Variants in ALX1 observed in about 807,000 individuals in gnomAD.
ALX1 encodes ALX homeobox protein 1.
In ALX1, 19 loss-of-function variants were observed where a neutral mutation model predicts 31.7. The ratio of observed to expected loss-of-function variants is 0.60; its 90% CI spans 0.42 to 0.88. The LOEUF (loss-of-function observed/expected upper bound fraction) is 0.88, where lower values mean the gene tolerates loss of function less well. Ranked by LOEUF, ALX1 falls within the 40% of genes least tolerant of loss-of-function variation. The pLI, the probability that ALX1 is intolerant of heterozygous loss-of-function variation, is 0.00. For synonymous variants in ALX1, 153 were observed against 148.8 expected (o/e 1.03, Z -0.20); for missense variants, 415 against 407.8 (o/e 1.02, Z -0.15).
intron 3 of ALX1, 58 bp from the exon 4 acceptor site, chr12:85,301,097 G>A: frequency 6.3e-7 from 1 of 1,596,312 alleles, no homozygotes; most frequent in Non-Finnish European, 8.6e-7. Flanking sequence ...CTTAACAAAA[G>A]TAAGAGAACA....
chr12:85,282,486 A>G (rs143086179), intron 1 of ALX1, among the ~76,000 whole-genome samples: 340 of 152,264 alleles, frequency 2.2e-3, no homozygotes, highest in African/African-American at 7.7e-3. Context: ...TATTTGTATA[A>G]TGATGAAAAG....
At chr12:85,294,800 A>G (rs1016592090) in intron 3 of ALX1, among the ~76,000 whole-genome samples, 3 of 151,094 alleles carry the variant, frequency 2.0e-5, no homozygotes, top group African/African-American at 7.3e-5. Context: ...TTTTAATGGA[A>G]AAGTCACCTT....
chr12:85,301,511 A>C lies in ALX1; in HGVS notation c.*36A>C, dbSNP rs1374730315. On this transcript the variant is annotated 3_prime_UTR_variant, in exon 4 of 4. Transcript: ENST00000316824. ...TCTTTTATTTTTCTTTTAATAGCAA[A>C]GTTAAACATTCTTATTTCTCATATT... 6.3e-7 allele frequency: 1 copy of C among 1,594,298 alleles called. No individual in the cohort carries two copies. Among genetic ancestry groups the C allele is most frequent in the South Asian group, 1.1e-5 (1 of 90,774 alleles).
rs1896711416 is a variant in ALX1, at chr12:85,283,732, C to A, written c.387C>A (p.Ser129Arg). The change falls in exon 2 of 4, where the codon AGC becomes AGA. Residue 129 changes from serine (S) to arginine (R), a missense_variant. By Grantham distance (110) the Ser-to-Arg change is moderately radical. Coordinates refer to ENST00000316824, the MANE Select transcript of ALX1 (RefSeq NM_006982.3). ...LGDKCDSNVS[S>R]SKKRRHRTTF... The stretch of plus-strand genomic sequence containing the variant: ...ATAAATGTGATAGCAATGTATCCAG[C>A]AGTAAGAAACGGAGGCACCGAACCA... 2 of 1,614,092 alleles carry A rather than the reference C, an allele frequency of 1.2e-6. No homozygotes were observed. The highest frequency in any genetic ancestry group is 1.7e-6 in the Non-Finnish European group (2 of 1,179,996).
chr12:85,282,761 C>T (rs1427963746), intron 1 of ALX1, among the ~76,000 whole-genome samples: 6 of 152,090 alleles, frequency 3.9e-5, no homozygotes, highest in Admixed American at 3.9e-4. Context: ...AGATGTCATG[C>T]TCTGTAATGT....
intron 3 of ALX1, among the ~76,000 whole-genome samples, chr12:85,297,560 T>C (rs1365551087): frequency 6.6e-6 from 1 of 151,600 alleles, no homozygotes; most frequent in East Asian, 1.9e-4. Context: ...AGAAAAGAAA[T>C]GGAATTTTTT....
intron 3 of ALX1, among the ~76,000 whole-genome samples, chr12:85,298,452 T>TA (rs1896918741): frequency 6.6e-6 from 1 of 151,774 alleles, no homozygotes; most frequent in South Asian, 2.1e-4. Flanking sequence ...TTCAGAGAAG[T>TA]AAAATCACAA....
In ALX1 at chr12:85,283,790, A is replaced by G. The variant is rs1896712606; in HGVS notation, c.445A>G (p.Lys149Glu). Residue 149 changes from lysine to glutamate, a missense_variant, in exon 2 of 4, where the codon AAA (lysine) becomes GAA (glutamate). Coordinates refer to ENST00000316824, the MANE Select transcript of ALX1 (RefSeq NM_006982.3). ...CAGTTTGCAGCTAGAGGAGCTGGAG[A>G]AAGTCTTTCAGAAAACTCATTACCC... The part of the protein sequence containing the change: ...FTSLQLEELE[K>E]VFQKTHYPDV... 1 of 1,614,050 alleles carries G rather than the reference A, an allele frequency of 6.2e-7. No individual in the cohort carries two copies. Among genetic ancestry groups the G allele is most frequent in the Non-Finnish European group, 8.5e-7 (1 of 1,180,032 alleles).
intron 2 of ALX1, among the ~76,000 whole-genome samples, chr12:85,285,332 A>G (rs1049200102): frequency 1.3e-4 from 20 of 151,964 alleles, no homozygotes; most frequent in African/African-American, 4.8e-4. Flanking sequence ...ACTCATTTTA[A>G]GGAAATTGTC....
chr12:85,299,667 G>A (rs907596393), intron 3 of ALX1, among the ~76,000 whole-genome samples: 102 of 151,820 alleles, frequency 6.7e-4, no homozygotes, highest in African/African-American at 2.4e-3. Context: ...TTTCTCTTAC[G>A]TTTTGAACCT....
chr12:85,288,971 G>A (rs1411403866), intron 3 of ALX1, among the ~76,000 whole-genome samples: 2 of 151,388 alleles, frequency 1.3e-5, no homozygotes, highest in Non-Finnish European at 3.0e-5. Context: ...GGTGACTTTA[G>A]ACGTAATAAA....
chr12:85,293,910 G>C (rs1317665369), intron 3 of ALX1, among the ~76,000 whole-genome samples: 1 of 151,030 alleles, frequency 6.6e-6, no homozygotes, highest in East Asian at 1.9e-4. Context: ...TGTTTATGAA[G>C]CCTCATGTGT....
At chr12:85,282,912 C>T (rs964416165) in intron 1 of ALX1, among the ~76,000 whole-genome samples, 8 of 150,196 alleles carry the variant, frequency 5.3e-5, no homozygotes, top group African/African-American at 1.7e-4. Flanking sequence ...AAAAAAAATG[C>T]TGCTTAAATC....
intron 3 of ALX1, among the ~76,000 whole-genome samples, chr12:85,293,507 A>T (rs1475467481): frequency 1.3e-5 from 2 of 150,944 alleles, no homozygotes; most frequent in Non-Finnish European, 3.0e-5. Context: ...GAGGCAAAGA[A>T]TATCCTCCAA....
chr12:85,297,435 C>T (rs974639069), intron 3 of ALX1, among the ~76,000 whole-genome samples: 1 of 151,472 alleles, frequency 6.6e-6, no homozygotes, highest in Admixed American at 6.6e-5. Flanking sequence ...TCATCATGCC[C>T]GATTACATTT....
intron 3 of ALX1, among the ~76,000 whole-genome samples, chr12:85,288,051 A>G (rs1029893778): frequency 2.0e-5 from 3 of 151,544 alleles, no homozygotes; most frequent in Admixed American, 6.6e-5. Context: ...AGTTTTAGAA[A>G]CCTCACTCCT....
chr12:85,283,449 T>C, intron 1 of ALX1, 123 bp from the exon 2 acceptor site: 1 of 964,284 alleles, frequency 1.0e-6, no homozygotes, highest in Non-Finnish European at 1.6e-6. Context: ...ATTGAATTAA[T>C]ACTAGCACAA....
rs146708881 is a variant in ALX1, at chr12:85,287,512, T to C, written c.660+531T>C. On this transcript the variant is annotated intron_variant, in intron 3 of 3. Transcript: ENST00000316824. ...TCTAAAGGTCCACATTTGGTCCTGT[T>C]TGACTTAAAACAGAGATAGAATTAG... is the stretch of plus-strand genomic sequence containing the variant. Among the ~76,000 whole-genome samples the C allele has an allele frequency of 2.5e-4, 38 of 151,416 alleles. No homozygotes were observed. In the South Asian group the frequency reaches 4.1e-3, roughly 17 times the overall value.
Position 85,283,818 on chromosome 12 carries a change from A to T in ALX1, c.473A>T (p.Asp158Val), listed in dbSNP as rs779648569. ...EKVFQKTHYP[D>V]VYVREQLALR... ...GTCTTTCAGAAAACTCATTACCCGG[A>T]TGTGTATGTCAGAGAACAGCTTGCT... Residue 158 changes from aspartate (D) to valine (V), a missense_variant, in exon 2 of 4, where the codon GAT becomes GTT. Asp to Val is a radical substitution (Grantham distance 152, BLOSUM62 -3). Transcript: ENST00000316824. The T allele has an allele frequency of 1.2e-6, 2 of 1,613,970 alleles. No individual in the cohort carries two copies. The highest frequency in any genetic ancestry group is 2.7e-5 in the African/African-American group (2 of 74,904).
Sources: gnomAD v4.1 joint callset for allele counts (sites outside exome capture counted in the v4.1 genomes callset) on GRCh38, gnomAD v4.1.1 for gene constraint, MANE v1.5 for transcripts, NCBI Gene and HGNC (gene_info 2026-07-23, HGNC 2026-07-21) for gene names.